Variants in TCF20 observed in about 807,000 individuals in gnomAD.
TCF20 encodes transcription factor 20, also known as SPRE-binding protein.
In TCF20, 3 loss-of-function variants were observed where a neutral mutation model predicts 148.6. The ratio of observed to expected loss-of-function variants is 0.02; its 90% CI spans 0.01 to 0.05. The LOEUF (loss-of-function observed/expected upper bound fraction) is 0.05, where lower values mean the gene tolerates loss of function less well. TCF20 is among the 10% of genes least tolerant of loss of function. The probability of loss-of-function intolerance (pLI) is 1.00; values close to 1 mark genes in which losing one functional copy is unlikely to be tolerated. For missense variants in TCF20, 2,350 were observed against 2,429.3 expected, an observed-to-expected ratio of 0.97 and a Z score of 0.69; for synonymous variants, 1,049 against 909.5, an observed-to-expected ratio of 1.15 and a Z score of -2.76.
intron 1 of TCF20, among the ~76,000 whole-genome samples, chr22:42,320,654 C>T (rs1927715961): frequency 6.6e-6 from 1 of 152,222 alleles, no homozygotes. Flanking sequence ...GTGCTCAACA[C>T]GTGTGAGGGG....
At chr22:42,321,655 AGG>A (rs1927734661) in intron 1 of TCF20, among the ~76,000 whole-genome samples, 2 of 151,804 alleles carry the variant, frequency 1.3e-5, no homozygotes, top group African/African-American at 4.8e-5. Context: ...CATGTAAAAC[AGG>A]GGGACCAGGC....
At chr22:42,267,546 C>G (rs537829823) in intron 1 of TCF20, among the ~76,000 whole-genome samples, 1 of 151,684 alleles carries the variant, frequency 6.6e-6, no homozygotes, top group East Asian at 2.0e-4. Context: ...ACTAAAAATA[C>G]AAAAATTAGC....
At chr22:42,294,366 A>T (rs1175223257) in intron 1 of TCF20, among the ~76,000 whole-genome samples, 1 of 152,194 alleles carries the variant, frequency 6.6e-6, no homozygotes, top group African/African-American at 2.4e-5. Flanking sequence ...ATGCTAACTC[A>T]ATAAAGTTCC....
At chr22:42,271,266 G>A (rs1015571162), upstream of TCF20, among the ~76,000 whole-genome samples, 3 of 152,218 alleles carry the variant, frequency 2.0e-5, no homozygotes, top group Admixed American at 1.3e-4. Flanking sequence ...AGTTTCCACC[G>A]CGGAAAACGC....
At chr22:42,270,685 G>A (rs1418705440), upstream of TCF20, among the ~76,000 whole-genome samples, 1 of 143,022 alleles carries the variant, frequency 7.0e-6, no homozygotes, top group Non-Finnish European at 1.6e-5. Context: ...CGGCCAATGG[G>A]GAGGCTCCGG....
chr22:42,170,205 A>G (rs374552585), intron 3 of TCF20, among the ~76,000 whole-genome samples: 1 of 152,082 alleles, frequency 6.6e-6, no homozygotes, highest in East Asian at 1.9e-4. Context: ...TACGCATTAA[A>G]AAAAGACTTG....
chr22:42,226,720 T>C (rs1277875547), intron 1 of TCF20, among the ~76,000 whole-genome samples: 1 of 151,754 alleles, frequency 6.6e-6, no homozygotes, highest in African/African-American at 2.4e-5. Context: ...TAAAAAGAAA[T>C]AATAATAAAA....
intron 5 of TCF20, among the ~76,000 whole-genome samples, chr22:42,167,842 C>G (rs1032187247): frequency 6.6e-6 from 1 of 152,048 alleles, no homozygotes; most frequent in Non-Finnish European, 1.5e-5. Context: ...CCCAGCTCAG[C>G]CTCCTGAGTA....
chr22:42,321,585 C>T (rs1927733751), intron 1 of TCF20, among the ~76,000 whole-genome samples: 1 of 151,850 alleles, frequency 6.6e-6, no homozygotes. Context: ...CAACTCCACG[C>T]TCAGGAGCCT....
At chr22:42,262,455 C>G (rs1412557475) in intron 1 of TCF20, among the ~76,000 whole-genome samples, 1 of 152,052 alleles carries the variant, frequency 6.6e-6, no homozygotes, top group Non-Finnish European at 1.5e-5. Flanking sequence ...AAATGCAGGA[C>G]AAAGAGTTTG....
chr22:42,296,108 C>G (rs1163875565), intron 1 of TCF20, among the ~76,000 whole-genome samples: 1 of 152,246 alleles, frequency 6.6e-6, no homozygotes, highest in Non-Finnish European at 1.5e-5. Flanking sequence ...GTGAGGACTA[C>G]CGAGTGAAGA....
At chr22:42,167,085 A>C (rs762911945) in intron 5 of TCF20, among the ~76,000 whole-genome samples, 1 of 152,200 alleles carries the variant, frequency 6.6e-6, no homozygotes, top group Non-Finnish European at 1.5e-5. Context: ...AATGTACTCC[A>C]AGTCCAAGAG....
Position 42,189,133 on chromosome 22 carries a change from G to A in TCF20, c.5656-9431C>T, listed in dbSNP as rs149948837. On this transcript the variant is annotated intron_variant, in intron 2 of 5. Coordinates refer to ENST00000677622, the MANE Select transcript of TCF20 (RefSeq NM_001378418.1). ...ATGCAGGAACCCAGGGCCAACAATG[G>A]CTGTTGCTGGGTTAGGGATGATATG... Among the ~76,000 whole-genome samples, 170 of 152,324 alleles carry A rather than the reference G, an allele frequency of 1.1e-3. 1 individual carries two copies. Among genetic ancestry groups the A allele is most frequent in the African/African-American group, 2.7e-3 (112 of 41,572 alleles).
At chr22:42,315,568 C>T (rs894429491) in intron 1 of TCF20, among the ~76,000 whole-genome samples, 5 of 152,222 alleles carry the variant, frequency 3.3e-5, no homozygotes, top group African/African-American at 1.2e-4. Flanking sequence ...CCTGGGCTGG[C>T]CATGGGGCCA....
intron 1 of TCF20, among the ~76,000 whole-genome samples, chr22:42,322,243 A>C (rs1017266551): frequency 1.3e-5 from 2 of 151,892 alleles, no homozygotes; most frequent in Non-Finnish European, 2.9e-5. Context: ...GATTTACTGA[A>C]GGCTTGCTGT....
Position 42,160,101 on chromosome 22 carries a change from AT to A in TCF20, c.*1301del, listed in dbSNP as rs1183740404. 2.0e-5 allele frequency: 3 copies of A among 152,496 alleles called. No individual in the cohort carries two copies. The highest frequency in any genetic ancestry group is 7.2e-5 in the African/African-American group (3 of 41,384). The allele number at this position is 152,496 out of a possible 1,614,324, so 9.4% of individuals were successfully genotyped here. On this transcript the variant is annotated 3_prime_UTR_variant, in exon 6 of 6. Coordinates refer to ENST00000677622, the MANE Select transcript of TCF20 (RefSeq NM_001378418.1). ...AAATAAAACTGTTTGTGAAACAGCT[AT>A]TTTATCCCCATGGCAGAGTGACCCC...
chr22:42,161,429 G>A (rs774727897), intron 5 of TCF20, 71 bp from the exon 6 acceptor site: 45 of 1,607,272 alleles, frequency 2.8e-5, no homozygotes, highest in Admixed American at 5.0e-5. Context: ...CCGCTGTTCC[G>A]TGGTACCCCT....
intron 5 of TCF20, among the ~76,000 whole-genome samples, chr22:42,167,721 G>T (rs779814941): frequency 2.0e-5 from 3 of 151,802 alleles, no homozygotes; most frequent in Non-Finnish European, 2.9e-5. Flanking sequence ...TCAATCACAA[G>T]AATTTTTTTT....
intron 1 of TCF20, among the ~76,000 whole-genome samples, chr22:42,328,802 C>A (rs1292781325): frequency 6.6e-6 from 1 of 152,220 alleles, no homozygotes; most frequent in Non-Finnish European, 1.5e-5. Flanking sequence ...AAGCTTGCCC[C>A]AGACGGGGGG....
Sources: gnomAD v4.1 joint callset for allele counts (sites outside exome capture counted in the v4.1 genomes callset) on GRCh38, gnomAD v4.1.1 for gene constraint, MANE v1.5 for transcripts, NCBI Gene and HGNC (gene_info 2026-07-23, HGNC 2026-07-21) for gene names.